Variants in SPATA2 observed in about 807,000 individuals in gnomAD.
The protein encoded by SPATA2 is spermatogenesis associated 2.
A neutral mutation model predicts 35.4 loss-of-function variants in SPATA2; 8 were observed. The observed-to-expected ratio is 0.23, with a 90% confidence interval of 0.13 to 0.41. The LOEUF (loss-of-function observed/expected upper bound fraction) is 0.41, where lower values mean the gene tolerates loss of function less well. SPATA2 is among the 10% of genes least tolerant of loss of function. SPATA2 has a pLI of 1.00. For missense variants in SPATA2, 650 were observed against 698.7 expected (o/e 0.93, Z 0.79); for synonymous variants, 293 against 300.9 (o/e 0.97, Z 0.27).
At chr20:49,911,837 C>T (rs369013917) in intron 1 of SPATA2, among the ~76,000 whole-genome samples, 9 of 152,066 alleles carry the variant, frequency 5.9e-5, no homozygotes, top group East Asian at 3.9e-4. Flanking sequence ...GCATGAGGTA[C>T]GACAAGTAGC....
rs72060824 is a variant in SPATA2 at position 49,905,314 on chromosome 20, CAACAAAACAA to C, written c.*295_*304del. 154 of 394,098 alleles carry C rather than the reference CAACAAAACAA, an allele frequency of 3.9e-4. No individual in the cohort carries two copies. The highest frequency in any genetic ancestry group is 4.6e-4 in the Non-Finnish European group (100 of 218,352). 24.4% of individuals were successfully genotyped at this position (394,098 alleles called of 1,614,324 possible). A position where few individuals can be genotyped will look rare whatever the true frequency, so the allele number is the denominator to read the frequency against. On this transcript the variant is annotated 3_prime_UTR_variant, in exon 3 of 3. Transcript: ENST00000289431. Reference sequence around the variant, plus strand: ...ATCCTCTTTAAAGGAAAAAACAAAACAACAAAACAAAACAAAACAAAACCCCAAAAAAAGA... The same window carrying C: ...ATCCTCTTTAAAGGAAAAAACAAAACAACAAAACAAAACCCCAAAAAAAGA...
intron 1 of SPATA2, chr20:49,913,354 T>C (rs2090191753): frequency 6.6e-6 from 1 of 152,290 alleles, no homozygotes; most frequent in Non-Finnish European, 1.5e-5. Flanking sequence ...CACTCATTTA[T>C]TGTTACATCA....
chr20:49,905,966 G>C lies in SPATA2; in HGVS notation c.1216C>G (p.Pro406Ala). The C allele has an allele frequency of 6.2e-7, 1 of 1,609,000 alleles. No individual in the cohort carries two copies. Among genetic ancestry groups the C allele is most frequent in the Non-Finnish European group, 8.5e-7 (1 of 1,179,870 alleles). ...GGGAAGGCGCTGGGCTTGGAAGCTG[G>C]AGGACAGGTGAGCAGGCTGTCACAG... ...QRCDSLLTCP[P>A]ASKPSAFPSK... The change falls in exon 3 of 3, where the codon CCA (proline) becomes GCA (alanine). Residue 406 changes from proline (P) to alanine (A), a missense_variant. Physicochemically the swap from Pro to Ala is conservative, Grantham distance 27. Coordinates refer to ENST00000289431, the MANE Select transcript of SPATA2 (RefSeq NM_006038.4).
chr20:49,908,562 G>A lies in SPATA2; in HGVS notation c.-72C>T. 4 of 1,293,804 alleles carry A rather than the reference G, an allele frequency of 3.1e-6. No individual in the cohort carries two copies. Among genetic ancestry groups the A allele is most frequent in the Non-Finnish European group, 4.3e-6 (4 of 929,772 alleles). 80.1% of individuals were successfully genotyped at this position (1,293,804 alleles called of 1,614,324 possible). Reference sequence around the variant, plus strand: ...AGGCAGGGACATCACTAAAAGCATGGACATGTTGCCGCCTGGACCAGCGGA... The same window carrying A: ...AGGCAGGGACATCACTAAAAGCATGAACATGTTGCCGCCTGGACCAGCGGA... On this transcript the variant is annotated 5_prime_UTR_variant, in exon 2 of 3. Coordinates refer to ENST00000289431, the MANE Select transcript of SPATA2 (RefSeq NM_006038.4).
chr20:49,906,288 C>A lies in SPATA2; in HGVS notation c.894G>T (p.Leu298=). The change falls in exon 3 of 3, where the codon CTG becomes CTT. Residue 298 remains leucine, a synonymous_variant. Coordinates refer to ENST00000289431, the MANE Select transcript of SPATA2 (RefSeq NM_006038.4). The surrounding 1 kb of genome is among the most constrained non-coding windows in gnomAD (Gnocchi z 8.2). ...KDEIIRPSPS[L]LTMASSPHGS... The stretch of plus-strand genomic sequence containing the variant: ...CGTGGGGGGAGCTGGCCATGGTCAG[C>A]AGCGAAGGGGATGGGCGGATGATCT... 6.3e-7 allele frequency: 1 copy of A among 1,578,122 alleles called. No homozygotes were observed. The highest frequency in any genetic ancestry group is 1.2e-5 in the South Asian group (1 of 84,172).
Position 49,906,153 on chromosome 20 carries a change from G to C in SPATA2, c.1029C>G (p.Pro343=). 6.2e-7 allele frequency: 1 copy of C among 1,607,318 alleles called. No homozygotes were observed. Among genetic ancestry groups the C allele is most frequent in the East Asian group, 2.2e-5 (1 of 44,788 alleles). ...CATCCTGCCGACGGTAGGTGGCCCT[G>C]GGTTCAGAGTCTGTGTACAGATCCA... ...DDVDLYTDSE[P]RATYRRQDAL... Residue 343 remains proline, a synonymous_variant, in exon 3 of 3, where the codon CCC becomes CCG. Coordinates refer to ENST00000289431, the MANE Select transcript of SPATA2 (RefSeq NM_006038.4). The surrounding 1 kb of genome is among the most constrained non-coding windows in gnomAD (Gnocchi z 8.2).
At position 49,906,593 on chromosome 20, in the gene SPATA2, G is replaced by A. The variant is rs1390268631; in HGVS notation, c.589C>T (p.Arg197Cys). The change falls in exon 3 of 3, where the codon CGC (arginine) becomes TGC (cysteine). Residue 197 changes from arginine (R) to cysteine (C), a missense_variant. Coordinates refer to ENST00000289431, the MANE Select transcript of SPATA2 (RefSeq NM_006038.4). The surrounding 1 kb of genome is among the most constrained non-coding windows in gnomAD (Gnocchi z 8.2). ...GYSELDIVSE[R>C]KSSAEDVRGC... ...CGCACATCCTCTGCACTGCTCTTGCGCTCGCTCACAATGTCCAGCTCGGAG... is the reference window on the plus strand; with the variant it reads ...CGCACATCCTCTGCACTGCTCTTGCACTCGCTCACAATGTCCAGCTCGGAG... The A allele has an allele frequency of 3.1e-6, 5 of 1,614,096 alleles. No individual in the cohort carries two copies. Among genetic ancestry groups the A allele is most frequent in the Admixed American group, 1.7e-5 (1 of 60,008 alleles).
At chr20:49,909,151 T>C (rs1020025582) in intron 1 of SPATA2, among the ~76,000 whole-genome samples, 8 of 152,132 alleles carry the variant, frequency 5.3e-5, no homozygotes, top group Non-Finnish European at 1.5e-5. Flanking sequence ...GCCTCCCAAG[T>C]AGCTGGGATT....
Position 49,906,669 on chromosome 20 carries a change from G to A in SPATA2, c.513C>T (p.Val171=), listed in dbSNP as rs143602566. Residue 171 remains valine (V), a synonymous_variant, in exon 3 of 3, where the codon GTC becomes GTT. Transcript: ENST00000289431. This position sits in a 1 kb window ranked among gnomAD's most constrained non-coding sequence, Gnocchi z 8.2. ...MVSFELFLAK[V]ECEQMLEIHS... ...GGATTTCTAGCATCTGCTCACACTC[G>A]ACTTTGGCCAGAAAGAGCTCAAAGG... The A allele has an allele frequency of 2.8e-5, 46 of 1,614,084 alleles. No individual in the cohort carries two copies. The highest frequency in any genetic ancestry group is 3.3e-5 in the Non-Finnish European group (39 of 1,180,046).
rs2090137267 is a variant in SPATA2 at position 49,905,787 on chromosome 20, G to A, written c.1395C>T (p.Arg465=). The A allele has an allele frequency of 1.9e-6, 3 of 1,614,084 alleles. No homozygotes were observed. The highest frequency in any genetic ancestry group is 2.5e-6 in the Non-Finnish European group (3 of 1,180,024). The part of the protein sequence containing the change: ...TPTSRCGFCN[R]PGATNTCTQC... Reference sequence around the variant, plus strand: ...GGGTGCAGGTGTTGGTGGCGCCTGGGCGGTTGCAGAAGCCACAGCGGGAAG... The same window carrying A: ...GGGTGCAGGTGTTGGTGGCGCCTGGACGGTTGCAGAAGCCACAGCGGGAAG... The change falls in exon 3 of 3, where the codon CGC becomes CGT. Residue 465 remains arginine, a synonymous_variant. Coordinates refer to ENST00000289431, the MANE Select transcript of SPATA2 (RefSeq NM_006038.4).
In SPATA2 at chr20:49,906,030, T is replaced by C. The variant is rs775007043; in HGVS notation, c.1152A>G (p.Gln384=). 1.9e-6 allele frequency: 3 copies of C among 1,605,344 alleles called. No homozygotes were observed. The highest frequency in any genetic ancestry group is 2.5e-6 in the Non-Finnish European group (3 of 1,179,076). The change falls in exon 3 of 3, where the codon CAA becomes CAG. Residue 384 remains glutamine (Q), a synonymous_variant. Transcript: ENST00000289431. This position sits in a 1 kb window ranked among gnomAD's most constrained non-coding sequence, Gnocchi z 8.2. ...AGGAGCTGCAGGACAGCCCGCAGCT[T>C]TGGCACTTGGAGAGGGCGGACTCTT... ...PAKESALSKC[Q]SCGLSCSSSL...
chr20:49,912,939 CA>C (rs3092212), intron 1 of SPATA2, among the ~76,000 whole-genome samples: 47,980 of 98,742 alleles, frequency 0.49, 9,217 homozygotes, highest in South Asian at 0.6. Context: ...TCCGTCTCTA[CA>C]AAAAAAAAAA....
At chr20:49,912,419 C>G (rs757616489) in intron 1 of SPATA2, among the ~76,000 whole-genome samples, 1 of 152,214 alleles carries the variant, frequency 6.6e-6, no homozygotes, top group Non-Finnish European at 1.5e-5. Context: ...GCACTCCAGC[C>G]TGGGCAACAG....
rs2090135212 is a variant in SPATA2 at position 49,905,549 on chromosome 20, G to A, written c.*70C>T. 5.2e-6 allele frequency: 8 copies of A among 1,543,962 alleles called. No homozygotes were observed. The East Asian group carries it at 1.6e-4, about 30-fold the overall frequency. On this transcript the variant is annotated 3_prime_UTR_variant, in exon 3 of 3. Transcript: ENST00000289431. ...CTCCGCCTCTGAGATCAATGCGTTA[G>A]TACTTCTTCACCGTGAAACCCGAAA...
chr20:49,906,477 G>A lies in SPATA2; in HGVS notation c.705C>T (p.Ser235=), dbSNP rs751932066. 59 of 1,610,922 alleles carry A rather than the reference G, an allele frequency of 3.7e-5. No homozygotes were observed. In the Middle Eastern group the frequency reaches 4.9e-4, roughly 13 times the overall value. Residue 235 remains serine (S), a synonymous_variant, in exon 3 of 3, where the codon AGC becomes AGT. Coordinates refer to ENST00000289431, the MANE Select transcript of SPATA2 (RefSeq NM_006038.4). This position sits in a 1 kb window ranked among gnomAD's most constrained non-coding sequence, Gnocchi z 8.2. The part of the protein sequence containing the change: ...MSRVALQKSA[S]ERAAKDYYKP... ...TGTAGTAGTCCTTGGCCGCCCGCTC[G>A]CTGGCCGACTTCTGGAGTGCCACTC... is the stretch of plus-strand genomic sequence containing the variant.
At chr20:49,910,860 A>G (rs2090178705) in intron 1 of SPATA2, among the ~76,000 whole-genome samples, 1 of 152,230 alleles carries the variant, frequency 6.6e-6, no homozygotes, top group Non-Finnish European at 1.5e-5. Flanking sequence ...AACACACTGC[A>G]CTGCTGAGGG....
Position 49,904,633 on chromosome 20 carries a change from T to G in SPATA2, c.*986A>C, listed in dbSNP as rs1353317038. 2.6e-5 allele frequency: 4 copies of G among 152,566 alleles called. No homozygotes were observed. Among genetic ancestry groups the G allele is most frequent in the Non-Finnish European group, 5.9e-5 (4 of 68,046 alleles). The allele number at this position is 152,566 out of a possible 1,614,324, so 9.5% of individuals were successfully genotyped here. On this transcript the variant is annotated 3_prime_UTR_variant, in exon 3 of 3. Coordinates refer to ENST00000289431, the MANE Select transcript of SPATA2 (RefSeq NM_006038.4). ...TAGATAGTTACTGCAGGGAAGACAGTGGCTCTCCACCAGCTCAAGAAAAGG... is the reference window on the plus strand; with the variant it reads ...TAGATAGTTACTGCAGGGAAGACAGGGGCTCTCCACCAGCTCAAGAAAAGG...
chr20:49,905,709 G>A lies in SPATA2; in HGVS notation c.1473C>T (p.Pro491=). 1 of 1,614,254 alleles carries A rather than the reference G, an allele frequency of 6.2e-7. No individual in the cohort carries two copies. The highest frequency in any genetic ancestry group is 8.5e-7 in the Non-Finnish European group (1 of 1,180,038). ...DACLSAYHYD[P]CYKKSELHKF... is the part of the protein sequence containing the mutation. ...TGTGCAGCTCACTCTTTTTGTAGCA[G>A]GGGTCATAATGGTAAGCGCTGAGGC... The change falls in exon 3 of 3, where the codon CCC becomes CCT. Residue 491 remains proline, a synonymous_variant. Coordinates refer to ENST00000289431, the MANE Select transcript of SPATA2 (RefSeq NM_006038.4).
Position 49,903,904 on chromosome 20 carries a change from T to TATATATAG in SPATA2, c.*1714_*1715insCTATATAT, listed in dbSNP as rs1555853077. 1.2e-3 allele frequency: 13 copies of TATATATAG among 11,298 alleles called. No homozygotes were observed. The South Asian group carries it at 0.029, about 25-fold the overall frequency. The allele number at this position is 11,298 out of a possible 1,614,324, so 0.7% of individuals were successfully genotyped here. ...ATCTACATGTGATCTACCAGATAGA[T>TATATATAG]ATATATATATATATATATATATATA... On this transcript the variant is annotated 3_prime_UTR_variant, in exon 3 of 3. Coordinates refer to ENST00000289431, the MANE Select transcript of SPATA2 (RefSeq NM_006038.4).
Sources: gnomAD v4.1 joint callset for allele counts (sites outside exome capture counted in the v4.1 genomes callset) on GRCh38, gnomAD v4.1.1 for gene constraint, Gnocchi (gnomAD v3.1) non-coding constraint, MANE v1.5 for transcripts, NCBI Gene and HGNC (gene_info 2026-07-23, HGNC 2026-07-21) for gene names.